Variants in EPHB1 observed in about 807,000 individuals in gnomAD.
EPHB1 encodes ephrin type-B receptor 1.
A neutral mutation model predicts 94.4 loss-of-function variants in EPHB1; 30 were observed. That is an observed-to-expected ratio of 0.32 (90% confidence interval 0.24 to 0.43). The LOEUF (loss-of-function observed/expected upper bound fraction) is 0.43. Among genes scored for constraint, EPHB1 ranks in the 20% least tolerant of loss-of-function variants. The probability of loss-of-function intolerance (pLI) is 1.00; values close to 1 mark genes in which losing one functional copy is unlikely to be tolerated. For missense variants in EPHB1, 1,055 were observed against 1,308.3 expected, an observed-to-expected ratio of 0.81 and a Z score of 2.99; for synonymous variants, 522 against 489.1, an observed-to-expected ratio of 1.07 and a Z score of -0.89.
intron 1 of EPHB1, among the ~76,000 whole-genome samples, chr3:134,854,808 C>A (rs1370586221): frequency 6.6e-6 from 1 of 152,176 alleles, no homozygotes; most frequent in Non-Finnish European, 1.5e-5. Context: ...GTTTGGCTTT[C>A]TCTTTCTCAC....
At chr3:134,818,547 C>A (rs1340435322) in intron 1 of EPHB1, among the ~76,000 whole-genome samples, 2 of 152,162 alleles carry the variant, frequency 1.3e-5, no homozygotes, top group African/African-American at 4.8e-5. Flanking sequence ...CCCTCTCTTA[C>A]CCCAAAGTCC....
intron 3 of EPHB1, among the ~76,000 whole-genome samples, chr3:134,975,855 C>T (rs1293690794): frequency 6.6e-6 from 1 of 151,890 alleles, no homozygotes; most frequent in African/African-American, 2.4e-5. Context: ...CACATATTGG[C>T]CACATTAAAT....
chr3:135,068,656 T>TG (rs56746609), intron 3 of EPHB1, among the ~76,000 whole-genome samples: 2,250 of 146,330 alleles, frequency 0.015, 59 homozygotes, highest in African/African-American at 0.06. Context: ...AATTTTTTTT[T>TG]TTTTGTTTTT....
intron 15 of EPHB1, among the ~76,000 whole-genome samples, chr3:135,253,470 A>G (rs1217457592): frequency 6.6e-6 from 1 of 151,426 alleles, no homozygotes; most frequent in Non-Finnish European, 1.5e-5. Context: ...TAAATAGGGA[A>G]TCCTTTCCCC....
intron 2 of EPHB1, among the ~76,000 whole-genome samples, chr3:134,944,925 C>T (rs1171319325): frequency 6.6e-6 from 1 of 152,206 alleles, no homozygotes; most frequent in African/African-American, 2.4e-5. Context: ...CTGTCCAACA[C>T]AGTGTGCTAT....
rs1174011769 is a variant in EPHB1, at chr3:134,955,105, A to ATTTTTTTTTTTTTTTTTTTTTTTTT, written c.805+3066_805+3067insTTTTTTTTTTTTTTTTTTTTTTTTT. On this transcript the variant is annotated intron_variant, in intron 3 of 15. Coordinates refer to ENST00000398015, the MANE Select transcript of EPHB1 (RefSeq NM_004441.5). ...TTTTTTTTTTTTTTTTTTTTTTTTA[A>ATTTTTTTTTTTTTTTTTTTTTTTTT]TTTTTTTTTTTTTAATTATACTCTA... 1.3e-3 allele frequency among the ~76,000 whole-genome samples: 32 copies of ATTTTTTTTTTTTTTTTTTTTTTTTT among 24,128 alleles called. 1 individual carries two copies. The highest frequency in any genetic ancestry group is 1.8e-3 in the Non-Finnish European group (26 of 14,280). 15.8% of individuals were successfully genotyped at this position (24,128 alleles called of 152,430 possible).
intron 4 of EPHB1, among the ~76,000 whole-genome samples, chr3:135,127,448 A>G (rs766193122): frequency 1.4e-4 from 22 of 152,166 alleles, no homozygotes; most frequent in East Asian, 3.9e-4. Context: ...CACCTTCACC[A>G]TCACCCAATG....
At chr3:134,996,959 C>T (rs1935015558) in intron 3 of EPHB1, among the ~76,000 whole-genome samples, 1 of 152,010 alleles carries the variant, frequency 6.6e-6, no homozygotes, top group Admixed American at 6.6e-5. Context: ...AGTCTTTTTC[C>T]TTATGTGCTT....
At chr3:135,084,139 T>C (rs370714050) in intron 3 of EPHB1, among the ~76,000 whole-genome samples, 1 of 152,162 alleles carries the variant, frequency 6.6e-6, no homozygotes, top group Non-Finnish European at 1.5e-5. Flanking sequence ...GTGTGTTTAA[T>C]TGGAATAGCT....
chr3:135,158,603 T>C (rs550690408), intron 6 of EPHB1, among the ~76,000 whole-genome samples: 45 of 152,276 alleles, frequency 3.0e-4, no homozygotes, highest in African/African-American at 1.1e-3. Flanking sequence ...ATGAATAGAA[T>C]TGATGAGGCT....
intron 1 of EPHB1, among the ~76,000 whole-genome samples, chr3:134,819,961 A>C (rs2036349909): frequency 6.6e-6 from 1 of 152,130 alleles, no homozygotes; most frequent in Non-Finnish European, 1.5e-5. Flanking sequence ...GTAACACCTG[A>C]TTCCAAATTT....
intron 1 of EPHB1, among the ~76,000 whole-genome samples, chr3:134,863,185 G>T (rs539766694): frequency 6.6e-6 from 1 of 152,206 alleles, no homozygotes; most frequent in Non-Finnish European, 1.5e-5. Context: ...TTACTGGAAG[G>T]AATAAAGACG....
chr3:135,117,265 C>T (rs1348863684), intron 4 of EPHB1, among the ~76,000 whole-genome samples: 1 of 152,166 alleles, frequency 6.6e-6, no homozygotes, highest in African/African-American at 2.4e-5. Flanking sequence ...TTATGTGTGC[C>T]ATAGTATGTG....
intron 3 of EPHB1, among the ~76,000 whole-genome samples, chr3:134,974,794 A>G (rs1934115474): frequency 6.8e-6 from 1 of 148,026 alleles, no homozygotes; most frequent in Non-Finnish European, 1.5e-5. Flanking sequence ...AGCTCCCCAA[A>G]GCAGTCCGCA....
In EPHB1 at chr3:135,072,340, C is replaced by T. The variant is rs551709219; in HGVS notation, c.806-34108C>T. Reference sequence around the variant, plus strand: ...GGGAGGCTGCAGTGAGCCAAGATCACGCCACTGCACTCCAGCCTGGGTGAC... The same window carrying T: ...GGGAGGCTGCAGTGAGCCAAGATCATGCCACTGCACTCCAGCCTGGGTGAC... On this transcript the variant is annotated intron_variant, in intron 3 of 15. Coordinates refer to ENST00000398015, the MANE Select transcript of EPHB1 (RefSeq NM_004441.5). Among the ~76,000 whole-genome samples the T allele has an allele frequency of 7.4e-4, 113 of 152,244 alleles. 1 individual carries two copies. Among genetic ancestry groups the T allele is most frequent in the Middle Eastern group, 3.4e-3 (1 of 294 alleles).
intron 3 of EPHB1, among the ~76,000 whole-genome samples, chr3:135,103,246 A>G (rs547786249): frequency 6.6e-6 from 1 of 152,234 alleles, no homozygotes; most frequent in Non-Finnish European, 1.5e-5. Context: ...ATTAAGTTAT[A>G]AAGTCTGAGT....
At chr3:134,910,329 C>G (rs1231652980) in intron 1 of EPHB1, among the ~76,000 whole-genome samples, 1 of 152,176 alleles carries the variant, frequency 6.6e-6, no homozygotes, top group African/African-American at 2.4e-5. Flanking sequence ...CTGTTTGCCC[C>G]CCACTGTGGA....
intron 12 of EPHB1, among the ~76,000 whole-genome samples, chr3:135,217,476 GGAGA>G (rs141040790): frequency 2.9e-4 from 42 of 146,790 alleles, no homozygotes; most frequent in South Asian, 8.7e-4. Context: ...ACGCACACGG[GGAGA>G]GAGAGAGAGA....
intron 3 of EPHB1, among the ~76,000 whole-genome samples, chr3:135,102,384 CTTTA>C (rs1939063993): frequency 6.6e-6 from 1 of 152,156 alleles, no homozygotes; most frequent in African/African-American, 2.4e-5. Context: ...CACCCAGAAG[CTTTA>C]TTTATCAACC....
Sources: gnomAD v4.1 joint callset for allele counts (sites outside exome capture counted in the v4.1 genomes callset) on GRCh38, gnomAD v4.1.1 for gene constraint, MANE v1.5 for transcripts, NCBI Gene and HGNC (gene_info 2026-07-23, HGNC 2026-07-21) for gene names.